Variants in CACNA2D3 observed in about 807,000 individuals in gnomAD.
CACNA2D3 encodes voltage-dependent calcium channel subunit alpha-2/delta-3.
In CACNA2D3, 60 loss-of-function variants were observed where a neutral mutation model predicts 160.6. The ratio of observed to expected loss-of-function variants is 0.37; its 90% CI spans 0.30 to 0.46. The LOEUF (loss-of-function observed/expected upper bound fraction) is 0.46, where lower values mean the gene tolerates loss of function less well. CACNA2D3 is among the 20% of genes least tolerant of loss of function. The pLI is 1.00. For missense variants in CACNA2D3, 1,205 were observed against 1,365.0 expected (o/e 0.88, Z 1.85); for synonymous variants, 558 against 492.9 (o/e 1.13, Z -1.75).
At chr3:54,533,826 TGTTAATAGGGTGTGTA>T (rs1479671050) in intron 5 of CACNA2D3, among the ~76,000 whole-genome samples, 1 of 135,600 alleles carries the variant, frequency 7.4e-6, no homozygotes, top group East Asian at 2.1e-4. Context: ...TGTGTGTGTG[TGTTAATAGGGTGTGTA>T]AATGTTGAAG....
chr3:54,349,694 C>G (rs919354283), intron 3 of CACNA2D3, among the ~76,000 whole-genome samples: 2 of 152,182 alleles, frequency 1.3e-5, no homozygotes, highest in African/African-American at 2.4e-5. Flanking sequence ...ATCACTCCCC[C>G]CTCCCCCAGG....
intron 34 of CACNA2D3, among the ~76,000 whole-genome samples, chr3:55,014,094 G>A (rs963567045): frequency 3.9e-5 from 6 of 152,142 alleles, no homozygotes; most frequent in East Asian, 1.9e-4. Flanking sequence ...ACGTGTCTTC[G>A]TTTCTGAGCT....
intron 11 of CACNA2D3, among the ~76,000 whole-genome samples, chr3:54,714,381 G>T (rs1437544369): frequency 1.3e-5 from 2 of 152,122 alleles, no homozygotes; most frequent in Non-Finnish European, 1.5e-5. Context: ...TGGGGCCGGG[G>T]TATCCTTCAG....
At chr3:54,764,426 C>G in intron 13 of CACNA2D3, 75 bp downstream of exon 13, 3 of 1,541,392 alleles carry the variant, frequency 1.9e-6, no homozygotes, top group Non-Finnish European at 1.8e-6. Flanking sequence ...CAGAAAATAG[C>G]AACTGTATCA....
At chr3:54,401,057 C>G (rs1297110132) in intron 4 of CACNA2D3, among the ~76,000 whole-genome samples, 1 of 151,558 alleles carries the variant, frequency 6.6e-6, no homozygotes, top group African/African-American at 2.4e-5. Context: ...TTAAAAAGAA[C>G]CAAATAAAAA....
At chr3:54,380,338 CTGTCAGCA>C (rs1253437816) in intron 3 of CACNA2D3, among the ~76,000 whole-genome samples, 8 of 152,206 alleles carry the variant, frequency 5.3e-5, no homozygotes, top group Admixed American at 6.5e-5. Flanking sequence ...CTTCTGTAGA[CTGTCAGCA>C]TGTCAAGTTC....
chr3:54,619,054 T>TGA (rs1198039400), intron 9 of CACNA2D3, among the ~76,000 whole-genome samples: 1 of 152,170 alleles, frequency 6.6e-6, no homozygotes, highest in African/African-American at 2.4e-5. Flanking sequence ...ACGTGAAGGG[T>TGA]GAGGCCTACT....
Position 54,571,612 on chromosome 3 carries a change from AGTGTGTGTGTGTGTGT to A in CACNA2D3, c.888+1540_888+1555del, listed in dbSNP as rs58652360. On this transcript the variant is annotated intron_variant, in intron 8 of 37. Coordinates refer to ENST00000474759, the MANE Select transcript of CACNA2D3 (RefSeq NM_018398.3). ...CTTTGAGTCCTTGAGCACTTAACCAAGTGTGTGTGTGTGTGTGTGTGTGTGTGTGTGTGTGTGTGTG... is the reference window on the plus strand; with the variant it reads ...CTTTGAGTCCTTGAGCACTTAACCAAGTGTGTGTGTGTGTGTGTGTGTGTG... Among the ~76,000 whole-genome samples, 60 of 136,308 alleles carry A rather than the reference AGTGTGTGTGTGTGTGT, an allele frequency of 4.4e-4. 1 individual carries two copies. Among genetic ancestry groups the A allele is most frequent in the Middle Eastern group, 7.5e-3 (2 of 268 alleles). 89.4% of individuals were successfully genotyped at this position (136,308 alleles called of 152,430 possible).
chr3:54,289,137 T>C (rs976933579), intron 2 of CACNA2D3, among the ~76,000 whole-genome samples: 2 of 152,222 alleles, frequency 1.3e-5, no homozygotes, highest in African/African-American at 4.8e-5. Context: ...GCAGACGACA[T>C]GATTGTATAT....
At chr3:54,452,350 A>G (rs1001236629) in intron 4 of CACNA2D3, among the ~76,000 whole-genome samples, 6 of 152,206 alleles carry the variant, frequency 3.9e-5, no homozygotes, top group African/African-American at 1.4e-4. Flanking sequence ...GCCCCCCATG[A>G]TTCAGTTATC....
At chr3:54,655,259 C>T (rs1351806070) in intron 11 of CACNA2D3, among the ~76,000 whole-genome samples, 3 of 152,124 alleles carry the variant, frequency 2.0e-5, no homozygotes, top group Non-Finnish European at 4.4e-5. Context: ...AGGGTAGTGT[C>T]TGGATGCTGA....
chr3:54,503,723 G>A lies in CACNA2D3; in HGVS notation c.544+69G>A, dbSNP rs1371280312. The A allele has an allele frequency of 1.1e-5, 15 of 1,417,028 alleles. 1 individual carries two copies. The highest frequency in any genetic ancestry group is 3.8e-5 in the Admixed American group (2 of 52,396). 87.8% of individuals were successfully genotyped at this position (1,417,028 alleles called of 1,614,324 possible). A position where few individuals can be genotyped will look rare whatever the true frequency, so the allele number is the denominator to read the frequency against. On this transcript the variant is annotated intron_variant, in intron 5 of 37. Transcript: ENST00000474759. The stretch of plus-strand genomic sequence containing the variant: ...GGGGGTTGAGAAGCAGGGGCTGGCT[G>A]GTTTGGGATATAGTTTTGGTTTGTT...
At chr3:54,802,131 T>C (rs1703004714) in intron 13 of CACNA2D3, among the ~76,000 whole-genome samples, 1 of 152,118 alleles carries the variant, frequency 6.6e-6, no homozygotes, top group Non-Finnish European at 1.5e-5. Context: ...TCCTCCTCTT[T>C]CAACATCACC....
At chr3:54,513,799 GC>G (rs985682231) in intron 5 of CACNA2D3, among the ~76,000 whole-genome samples, 4 of 152,098 alleles carry the variant, frequency 2.6e-5, no homozygotes, top group African/African-American at 9.7e-5. Flanking sequence ...TACTGCCTCA[GC>G]CCCCCAAGTA....
In CACNA2D3 at chr3:54,995,204, C is replaced by G. The variant is rs192415237; in HGVS notation, c.2690+7451C>G. ...GGTCAGGCTGGTCTTGAACTCCTGA[C>G]CTCAGGTGATCCAACTGCCTCAGCC... On this transcript the variant is annotated intron_variant, in intron 31 of 37. Transcript: ENST00000474759. Among the ~76,000 whole-genome samples the G allele has an allele frequency of 4.9e-3, 740 of 152,170 alleles. 18 individuals are homozygous for G. Among genetic ancestry groups the G allele is most frequent in the Non-Finnish European group, 1.6e-3 (110 of 67,998 alleles).
rs181588101 is a variant in CACNA2D3 at position 54,333,271 on chromosome 3, G to A, written c.321+12713G>A. 5.3e-5 allele frequency among the ~76,000 whole-genome samples: 8 copies of A among 152,184 alleles called. No individual in the cohort carries two copies. The East Asian group carries it at 7.7e-4, about 15-fold the overall frequency. ...CTCTGCTCCCCAATTTTCTCCCAGC[G>A]CTTCACACACCTGGCTTGGTGGGTG... On this transcript the variant is annotated intron_variant, in intron 3 of 37. Transcript: ENST00000474759.
At chr3:54,373,457 A>G (rs79259883) in intron 3 of CACNA2D3, among the ~76,000 whole-genome samples, 1,708 of 152,296 alleles carry the variant, frequency 0.011, 27 homozygotes, top group African/African-American at 0.039. Context: ...GGTATGTTTT[A>G]AATATATACA....
At chr3:54,537,819 G>T (rs866258696) in intron 5 of CACNA2D3, among the ~76,000 whole-genome samples, 1 of 152,230 alleles carries the variant, frequency 6.6e-6, no homozygotes, top group East Asian at 1.9e-4. Context: ...GGCTCACTCC[G>T]GACCTGAGCT....
Position 54,700,842 on chromosome 3 carries a change from G to T in CACNA2D3, c.1168-51757G>T, listed in dbSNP as rs556899278. Among the ~76,000 whole-genome samples, 24 of 152,270 alleles carry T rather than the reference G, an allele frequency of 1.6e-4. No individual in the cohort carries two copies. In the South Asian group the frequency reaches 3.9e-3, roughly 25 times the overall value. ...ATCACTAGTCCCTTTGTATAGGGCTGGAAAACTACTTGCCCAAGTCTCAAA... is the reference window on the plus strand; with the variant it reads ...ATCACTAGTCCCTTTGTATAGGGCTTGAAAACTACTTGCCCAAGTCTCAAA... On this transcript the variant is annotated intron_variant, in intron 11 of 37. Coordinates refer to ENST00000474759, the MANE Select transcript of CACNA2D3 (RefSeq NM_018398.3).
Sources: gnomAD v4.1 joint callset for allele counts (sites outside exome capture counted in the v4.1 genomes callset) on GRCh38, gnomAD v4.1.1 for gene constraint, MANE v1.5 for transcripts, NCBI Gene and HGNC (gene_info 2026-07-23, HGNC 2026-07-21) for gene names.